Variants in PTPRB observed in about 807,000 individuals in gnomAD.
The protein encoded by PTPRB is receptor-type tyrosine-protein phosphatase beta.
A neutral mutation model predicts 238.1 loss-of-function variants in PTPRB; 97 were observed. The observed-to-expected ratio is 0.41, with a 90% CI of 0.35 to 0.48. PTPRB has a LOEUF of 0.48. PTPRB is among the 20% of genes least tolerant of loss of function. PTPRB has a pLI of 0.30. For missense variants in PTPRB, 2,292 were observed against 2,681.9 expected, an observed-to-expected ratio of 0.85 and a Z score of 3.21; for synonymous variants, 970 against 995.4, an observed-to-expected ratio of 0.97 and a Z score of 0.48.
chr12:70,561,600 A>C (rs142373454), intron 16 of PTPRB, among the ~76,000 whole-genome samples: 2 of 152,288 alleles, frequency 1.3e-5, no homozygotes, highest in Non-Finnish European at 2.9e-5. Flanking sequence ...AGGCAATTCT[A>C]TTTGTGGTTG....
At chr12:70,594,107 G>A (rs975224397) in intron 6 of PTPRB, among the ~76,000 whole-genome samples, 2 of 152,184 alleles carry the variant, frequency 1.3e-5, no homozygotes, top group Non-Finnish European at 2.9e-5. Flanking sequence ...GGTATGTATA[G>A]CATGGAGAAA....
At chr12:70,543,753 G>A (rs940040795) in intron 22 of PTPRB, among the ~76,000 whole-genome samples, 3 of 152,210 alleles carry the variant, frequency 2.0e-5, no homozygotes, top group Admixed American at 1.3e-4. Flanking sequence ...CCTGGTGGAA[G>A]TATTCAGAGA....
intron 9 of PTPRB, chr12:70,585,037 T>C (rs1462862825): frequency 6.6e-6 from 1 of 151,180 alleles, no homozygotes; most frequent in African/African-American, 2.4e-5. Context: ...TCTCGACTCA[T>C]GCAACCTCCA....
In PTPRB at chr12:70,609,075, G is replaced by T; in HGVS notation, c.973C>A (p.Gln325Lys). Residue 325 changes from glutamine (Q) to lysine (K), a missense_variant, in exon 4 of 34, where the codon CAA becomes AAA. By Grantham distance (53) the Gln-to-Lys change is moderately conservative (BLOSUM62 1). Transcript: ENST00000334414. ...SLDEERTVVLQTDPLPPARFG... is the reference protein window; with the variant it reads ...SLDEERTVVLKTDPLPPARFG... ...TGCACCTGTCATCCTTTACCTGTTT[G>T]CAAGACCACTGTTCTCTCTTCATCC... is the stretch of plus-strand genomic sequence containing the variant. 1 of 1,613,934 alleles carries T rather than the reference G, an allele frequency of 6.2e-7. No individual in the cohort carries two copies. Among genetic ancestry groups the T allele is most frequent in the Non-Finnish European group, 8.5e-7 (1 of 1,179,848 alleles).
chr12:70,596,131 A>G lies in PTPRB; in HGVS notation c.1176T>C (p.Thr392=), dbSNP rs757152809. ...TGGCAATATTGTATTTACTACCAGC[A>G]GTGAGATTGAAAAAAGTGTATTCAT... is the stretch of plus-strand genomic sequence containing the variant. ...SWNEYTFFNL[T]AGSKYNIAIT... Residue 392 remains threonine, a synonymous_variant, in exon 5 of 34, where the codon ACT becomes ACC. Coordinates refer to ENST00000334414, the MANE Select transcript of PTPRB (RefSeq NM_001109754.4). 6.2e-7 allele frequency: 1 copy of G among 1,613,496 alleles called. No homozygotes were observed. The highest frequency in any genetic ancestry group is 1.1e-5 in the South Asian group (1 of 91,048).
chr12:70,606,709 G>A (rs1245913403), intron 4 of PTPRB, among the ~76,000 whole-genome samples: 1 of 152,108 alleles, frequency 6.6e-6, no homozygotes, highest in African/African-American at 2.4e-5. Flanking sequence ...AATTAACATA[G>A]GGGAATACTA....
intron 21 of PTPRB, among the ~76,000 whole-genome samples, chr12:70,547,008 C>CT (rs34760484): frequency 0.18 from 26,865 of 146,424 alleles, 2,559 homozygotes; most frequent in South Asian, 0.39. Flanking sequence ...AGAAGTACTC[C>CT]TTTTTTTTTT....
At chr12:70,627,354 CATTAGACGCAATAGGCACAGTG>C (rs373601703) in intron 2 of PTPRB, among the ~76,000 whole-genome samples, 97 of 152,100 alleles carry the variant, frequency 6.4e-4, no homozygotes, top group African/African-American at 2.1e-3. Context: ...CTGACTTGTC[CATTAGACGCAATAGGCACAGTG>C]ATTAGGGCCC....
At chr12:70,636,176 A>G in intron 1 of PTPRB, 110 bp from the exon 2 acceptor site, 1 of 1,103,970 alleles carries the variant, frequency 9.1e-7, no homozygotes, top group East Asian at 2.6e-5. Flanking sequence ...TTTTACTTAT[A>G]TTTTGTTATT....
chr12:70,522,779 T>C (rs1389547471), intron 33 of PTPRB: 1 of 152,126 alleles, frequency 6.6e-6, no homozygotes, highest in Non-Finnish European at 1.5e-5. Context: ...TTTTTCCTTA[T>C]GCGTTGTTTT....
intron 7 of PTPRB, 147 bp downstream of exon 7, chr12:70,592,135 G>A (rs1279651570): frequency 3.8e-6 from 4 of 1,058,520 alleles, no homozygotes; most frequent in South Asian, 1.6e-5. Flanking sequence ...TCAGAAGAAT[G>A]GGCCATACTA....
At chr12:70,584,808 GC>G (rs1294551773) in intron 9 of PTPRB, among the ~76,000 whole-genome samples, 1 of 151,978 alleles carries the variant, frequency 6.6e-6, no homozygotes, top group Non-Finnish European at 1.5e-5. Context: ...CATCTCAGAT[GC>G]AGGGGGAAAA....
Position 70,609,271 on chromosome 12 carries a change from C to T in PTPRB, c.777G>A (p.Val259=), listed in dbSNP as rs1195142441. 1.9e-6 allele frequency: 3 copies of T among 1,614,050 alleles called. No individual in the cohort carries two copies. Among genetic ancestry groups the T allele is most frequent in the Non-Finnish European group, 2.5e-6 (3 of 1,179,902 alleles). The stretch of plus-strand genomic sequence containing the variant: ...AGCCCAAAATTCTCCACTGGATAGA[C>T]ACAGAATGGCTGGAGGCCTTGGACT... The part of the protein sequence containing the change: ...LAESKASSHS[V]SIQWRILGSP... The change falls in exon 4 of 34, where the codon GTG becomes GTA. Residue 259 remains valine, a synonymous_variant. Transcript: ENST00000334414.
At chr12:70,576,767 C>G in intron 10 of PTPRB, 122 bp from the exon 11 acceptor site, 1 of 617,418 alleles carries the variant, frequency 1.6e-6, no homozygotes, top group African/African-American at 1.9e-5. Context: ...CTCAGGAGAT[C>G]TAATCTGATT....
intron 6 of PTPRB, among the ~76,000 whole-genome samples, chr12:70,593,666 G>A (rs1592555041): frequency 6.6e-6 from 1 of 152,244 alleles, no homozygotes; most frequent in South Asian, 2.1e-4. Flanking sequence ...TATTTGAGGT[G>A]TGTTATAAAA....
rs765150739 is a variant in PTPRB at position 70,520,187 on chromosome 12, A to C, written c.*1302T>G. On this transcript the variant is annotated 3_prime_UTR_variant, in exon 34 of 34. Coordinates refer to ENST00000334414, the MANE Select transcript of PTPRB (RefSeq NM_001109754.4). Reference sequence around the variant, plus strand: ...GAAGATTCCGTACAAACTCCTTTCAAATTTTTCCCAGGAATGCTGTCGGAA... The same window carrying C: ...GAAGATTCCGTACAAACTCCTTTCACATTTTTCCCAGGAATGCTGTCGGAA... The C allele has an allele frequency of 2.1e-6, 1 of 476,548 alleles. No individual in the cohort carries two copies. Among genetic ancestry groups the C allele is most frequent in the Non-Finnish European group, 4.2e-6 (1 of 236,782 alleles). The allele number at this position is 476,548 out of a possible 1,614,324, so 29.5% of individuals were successfully genotyped here.
intron 3 of PTPRB, among the ~76,000 whole-genome samples, chr12:70,611,437 T>A (rs1884438185): frequency 6.6e-6 from 1 of 152,166 alleles, no homozygotes; most frequent in African/African-American, 2.4e-5. Flanking sequence ...TACAGGCGTG[T>A]GCCACTACAC....
At chr12:70,545,466 G>A (rs1432173759) in intron 21 of PTPRB, among the ~76,000 whole-genome samples, 7 of 152,182 alleles carry the variant, frequency 4.6e-5, no homozygotes, top group African/African-American at 1.7e-4. Context: ...AATTGCTGAA[G>A]TTAAAAAGAG....
intron 22 of PTPRB, 81 bp from the exon 23 acceptor site, chr12:70,541,038 T>C (rs1366627597): frequency 2.8e-6 from 3 of 1,084,354 alleles, no homozygotes; most frequent in Non-Finnish European, 4.1e-6. Flanking sequence ...ATTGAAGCCA[T>C]ATCTCCCAAG....
Sources: allele counts gnomAD v4.1 joint callset (sites outside exome capture counted in the v4.1 genomes callset), GRCh38; gene constraint gnomAD v4.1.1; transcripts MANE v1.5; gene names NCBI Gene and HGNC (gene_info 2026-07-23, HGNC 2026-07-21).